Variants in DAB1 observed in about 807,000 individuals in gnomAD.
DAB1 encodes the protein DAB adaptor protein 1, also known as disabled homolog 1.
A neutral mutation model predicts 64.6 loss-of-function variants in DAB1; 15 were observed. The ratio of observed to expected loss-of-function variants is 0.23; its 90% CI spans 0.16 to 0.36. DAB1 has a LOEUF of 0.36. DAB1 is among the 10% of genes least tolerant of loss of function. The pLI is 1.00. For missense variants in DAB1, 596 were observed against 706.7 expected (o/e 0.84, Z 1.78); for synonymous variants, 235 against 251.9 (o/e 0.93, Z 0.64).
At chr1:57,440,700 C>T (rs917880254) in intron 7 of DAB1, among the ~76,000 whole-genome samples, 8 of 152,174 alleles carry the variant, frequency 5.3e-5, no homozygotes, top group African/African-American at 1.9e-4. Context: ...GTCAGAGTGC[C>T]TGTTAGGCAT....
chr1:57,968,319 T>G (rs1054027083), intron 5 of DAB1, among the ~76,000 whole-genome samples: 45 of 152,132 alleles, frequency 3.0e-4, no homozygotes, highest in African/African-American at 1.1e-3. Flanking sequence ...CCCTTTTTAA[T>G]TAGCTGTGAA....
chr1:58,357,597 C>T (rs1042178195), intron 3 of DAB1, among the ~76,000 whole-genome samples: 2 of 152,152 alleles, frequency 1.3e-5, no homozygotes, highest in African/African-American at 4.8e-5. Context: ...TTAGATGGCA[C>T]TTGAAGCTTT....
At chr1:58,266,286 G>C (rs183851984) in intron 4 of DAB1, among the ~76,000 whole-genome samples, 3 of 152,300 alleles carry the variant, frequency 2.0e-5, no homozygotes, top group African/African-American at 4.8e-5. Context: ...GTCTGAAGGG[G>C]CCTTTTCAGT....
chr1:57,084,665 T>C (rs1652876992), intron 4 of DAB1, among the ~76,000 whole-genome samples: 1 of 152,228 alleles, frequency 6.6e-6, no homozygotes, highest in African/African-American at 2.4e-5. Flanking sequence ...ATCTGTAAAA[T>C]GAAGGGGCAG....
At chr1:57,807,374 G>A (rs725263) in intron 6 of DAB1, among the ~76,000 whole-genome samples, 22,586 of 152,128 alleles carry the variant, frequency 0.15, 2,293 homozygotes, top group Admixed American at 0.3. Context: ...AAGTCACAGT[G>A]ACGCCCTGTG....
At chr1:58,106,081 T>TTTCC (rs3053675) in intron 5 of DAB1, among the ~76,000 whole-genome samples, 357 of 150,752 alleles carry the variant, frequency 2.4e-3, no homozygotes, top group Middle Eastern at 3.4e-3. Context: ...TGTTTTTTGT[T>TTTCC]TTCCTTCCTT....
intron 1 of DAB1, among the ~76,000 whole-genome samples, chr1:57,369,891 G>C (rs1166435026): frequency 2.0e-5 from 3 of 152,216 alleles, no homozygotes; most frequent in African/African-American, 7.2e-5. Context: ...TTGAGTGACT[G>C]AACCAAGATC....
In DAB1 at chr1:58,079,231, C is replaced by T. The variant is rs1053533995; in HGVS notation, n.387+71280G>A. Among the ~76,000 whole-genome samples, 4 of 152,166 alleles carry T rather than the reference C, an allele frequency of 2.6e-5. No homozygotes were observed. The East Asian group carries it at 7.7e-4, about 29-fold the overall frequency. On this transcript the variant is annotated intron_variant and non_coding_transcript_variant, in intron 5 of 20. Coordinates refer to the DAB1 transcript ENST00000485760. ...TCTCATGGCCCACTATCACCTAGGG[C>T]TCCCCTCAGACATCACATCATCAGG...
chr1:58,055,811 C>G (rs958100725), intron 5 of DAB1, among the ~76,000 whole-genome samples: 1 of 152,048 alleles, frequency 6.6e-6, no homozygotes, highest in Non-Finnish European at 1.5e-5. Context: ...CCTCTGTCTT[C>G]TGGGCTCAAG....
intron 3 of DAB1, among the ~76,000 whole-genome samples, chr1:58,449,066 G>A (rs1009540039): frequency 5.9e-5 from 9 of 152,234 alleles, no homozygotes; most frequent in Non-Finnish European, 1.0e-4. Context: ...CATAGAATAT[G>A]AGTGGAATAC....
intron 5 of DAB1, among the ~76,000 whole-genome samples, chr1:57,920,597 C>T (rs988575202): frequency 3.9e-5 from 6 of 152,106 alleles, no homozygotes; most frequent in Admixed American, 1.3e-4. Flanking sequence ...TTTGTCATCT[C>T]GGAGACTTAG....
chr1:57,567,650 C>T (rs991530119), intron 7 of DAB1, among the ~76,000 whole-genome samples: 3 of 152,214 alleles, frequency 2.0e-5, no homozygotes, highest in African/African-American at 4.8e-5. Context: ...AACAGAGAGC[C>T]AAATCATGAG....
intron 3 of DAB1, among the ~76,000 whole-genome samples, chr1:58,346,467 C>A (rs937075904): frequency 2.6e-5 from 4 of 152,162 alleles, no homozygotes; most frequent in African/African-American, 7.2e-5. Flanking sequence ...GCAGCAGAAC[C>A]ATTTTTTGCA....
intron 1 of DAB1, chr1:58,539,430 CT>C: frequency 4.9e-6 from 3 of 617,442 alleles, no homozygotes; most frequent in Non-Finnish European, 5.6e-6. Flanking sequence ...GCTAAATTAC[CT>C]TGGGTTTCAA....
chr1:57,378,593 T>C (rs17115683), intron 1 of DAB1, among the ~76,000 whole-genome samples: 15,962 of 152,272 alleles, frequency 0.1, 940 homozygotes, highest in Admixed American at 0.14. Flanking sequence ...CTCCAGGAAG[T>C]ACAGTACAGA....
intron 7 of DAB1, among the ~76,000 whole-genome samples, chr1:57,482,590 C>A (rs775914748): frequency 4.0e-5 from 6 of 151,740 alleles, no homozygotes; most frequent in Non-Finnish European, 7.4e-5. Flanking sequence ...GGACATGTCT[C>A]ACTCAGCATA....
In DAB1 at chr1:57,185,726, C is replaced by A. The variant is rs964259006; in HGVS notation, c.68-40297G>T. ...ATGCTGTCTCCGAAGTAAGAAATTC[C>A]AAATTCATAATAATGTTTCTGGTTT... On this transcript the variant is annotated intron_variant, in intron 2 of 14. Coordinates refer to ENST00000371236, the MANE Select transcript of DAB1 (RefSeq NM_001365792.1). Among the ~76,000 whole-genome samples the A allele has an allele frequency of 2.6e-5, 4 of 152,142 alleles. No individual in the cohort carries two copies. The South Asian group carries it at 8.3e-4, about 32-fold the overall frequency.
rs80158405 is a variant in DAB1, at chr1:57,176,790, GCAAACATCTC to G, written c.68-31371_68-31362del. ...GGAGAAGAGAGGAGACCTTCTGGGGGCAAACATCTCCAAGTAATAAGGTCACAGGGGCAGG... is the reference window on the plus strand; with the variant it reads ...GGAGAAGAGAGGAGACCTTCTGGGGGCAAGTAATAAGGTCACAGGGGCAGG... On this transcript the variant is annotated intron_variant, in intron 2 of 14. Coordinates refer to ENST00000371236, the MANE Select transcript of DAB1 (RefSeq NM_001365792.1). 9.4e-3 allele frequency among the ~76,000 whole-genome samples: 1,425 copies of G among 151,924 alleles called. 21 individuals carry two copies. The highest frequency in any genetic ancestry group is 0.077 in the East Asian group (393 of 5,132).
intron 7 of DAB1, among the ~76,000 whole-genome samples, chr1:57,527,386 A>G (rs1644605512): frequency 6.6e-6 from 1 of 152,194 alleles, no homozygotes; most frequent in Non-Finnish European, 1.5e-5. Flanking sequence ...TGCACCAGGT[A>G]CTGTGCTAAG....
Sources: allele counts gnomAD v4.1 joint callset (sites outside exome capture counted in the v4.1 genomes callset), GRCh38; gene constraint gnomAD v4.1.1; transcripts MANE v1.5; gene names NCBI Gene and HGNC (gene_info 2026-07-23, HGNC 2026-07-21).